PRKN: variants seen among roughly 807,000 people sequenced by gnomAD.
The protein encoded by PRKN is E3 ubiquitin-protein ligase parkin.
Under a neutral mutation model 59.5 loss-of-function variants are expected in PRKN, and 56 were observed. That is an observed-to-expected ratio of 0.94 (90% CI 0.76 to 1.18). The LOEUF (loss-of-function observed/expected upper bound fraction) is 1.18, where lower values mean the gene tolerates loss of function less well. Among genes scored for constraint, PRKN ranks in the 50% most tolerant of loss-of-function variants. PRKN has a pLI of 0.00. For synonymous variants in PRKN, 250 were observed against 222.1 expected (o/e 1.13, Z -1.12); for missense variants, 657 against 596.4 (o/e 1.10, Z -1.06).
At chr6:162,689,205 GTCTT>G (rs1777679260) in intron 1 of PRKN, among the ~76,000 whole-genome samples, 1 of 152,102 alleles carries the variant, frequency 6.6e-6, no homozygotes, top group Non-Finnish European at 1.5e-5. Flanking sequence ...TAATTCATCG[GTCTT>G]TCTTAGTTCA....
At chr6:161,798,473 T>C (rs964119972) in intron 6 of PRKN, among the ~76,000 whole-genome samples, 2 of 152,190 alleles carry the variant, frequency 1.3e-5, no homozygotes, top group Non-Finnish European at 2.9e-5. Flanking sequence ...GATATAGAGG[T>C]ATTGCCATCT....
intron 4 of PRKN, among the ~76,000 whole-genome samples, chr6:162,129,737 A>G (rs1781268664): frequency 6.6e-6 from 1 of 152,184 alleles, no homozygotes; most frequent in Admixed American, 6.6e-5. Flanking sequence ...AGAACTGCAT[A>G]AGGTTATTTA....
chr6:162,190,092 G>C (rs1784208072), intron 4 of PRKN, among the ~76,000 whole-genome samples: 1 of 152,092 alleles, frequency 6.6e-6, no homozygotes, highest in Non-Finnish European at 1.5e-5. Context: ...ACCAACAAAT[G>C]ACTGAAGGGT....
intron 2 of PRKN, among the ~76,000 whole-genome samples, chr6:162,297,825 T>C (rs1314655552): frequency 6.6e-6 from 1 of 152,116 alleles, no homozygotes; most frequent in Non-Finnish European, 1.5e-5. Flanking sequence ...CTTCATTAAT[T>C]ACAGTCCAGT....
intron 7 of PRKN, among the ~76,000 whole-genome samples, chr6:161,621,851 C>T (rs1782913445): frequency 2.6e-5 from 4 of 152,078 alleles, no homozygotes; most frequent in African/African-American, 4.8e-5. Flanking sequence ...CATAGGCCAC[C>T]CACACTCACT....
In PRKN at chr6:162,642,665, A is replaced by T. The variant is rs185950597; in HGVS notation, c.7+84997T>A. On this transcript the variant is annotated intron_variant, in intron 1 of 11. Coordinates refer to ENST00000366898, the MANE Select transcript of PRKN (RefSeq NM_004562.3). ...GTAGTTGCTTCATGAGAAAAATTTA[A>T]ATCTTATGAAGAATATAATATAGTA... 4.3e-4 allele frequency among the ~76,000 whole-genome samples: 65 copies of T among 152,020 alleles called. No homozygotes were observed. In the East Asian group the frequency reaches 0.012, roughly 28 times the overall value.
chr6:162,141,875 G>C (rs1259572062), intron 4 of PRKN, among the ~76,000 whole-genome samples: 3 of 152,156 alleles, frequency 2.0e-5, no homozygotes, highest in African/African-American at 7.2e-5. Flanking sequence ...AGGAGAGTCA[G>C]TCTAACCAGG....
intron 9 of PRKN, among the ~76,000 whole-genome samples, chr6:161,434,758 T>C (rs1050303521): frequency 1.3e-5 from 2 of 152,180 alleles, no homozygotes; most frequent in African/African-American, 2.4e-5. Context: ...TTTAACGCAA[T>C]TTGAAACATG....
chr6:161,528,975 A>C (rs1779106846), intron 9 of PRKN, among the ~76,000 whole-genome samples: 1 of 152,182 alleles, frequency 6.6e-6, no homozygotes, highest in African/African-American at 2.4e-5. Flanking sequence ...TCTAGCTTAG[A>C]AGGCAGGAAT....
At chr6:161,669,913 G>A (rs1784849873) in intron 7 of PRKN, among the ~76,000 whole-genome samples, 1 of 152,240 alleles carries the variant, frequency 6.6e-6, no homozygotes, top group African/African-American at 2.4e-5. Flanking sequence ...CAGCGCACAG[G>A]CTCTCAGCCC....
chr6:161,748,648 C>A (rs1483274513), intron 7 of PRKN, among the ~76,000 whole-genome samples: 1 of 152,056 alleles, frequency 6.6e-6, no homozygotes, highest in African/African-American at 2.4e-5. Flanking sequence ...GGGTCACTGA[C>A]AAAGGCATTC....
chr6:161,429,741 T>C lies in PRKN; in HGVS notation c.1084-42864A>G, dbSNP rs1788556500. Among the ~76,000 whole-genome samples the C allele has an allele frequency of 6.6e-6, 1 of 152,144 alleles. No individual in the cohort carries two copies. The highest frequency in any genetic ancestry group is 2.4e-5 in the African/African-American group (1 of 41,406). On this transcript the variant is annotated intron_variant, in intron 9 of 11. Transcript: ENST00000366898. The surrounding 1 kb of genome is among the most constrained non-coding windows in gnomAD (Gnocchi z 4.2). ...TTCAGAGTCATTAATGGGCCTTTTC[T>C]TCAGTAATTCAGAATACTCCTAAGT...
intron 6 of PRKN, among the ~76,000 whole-genome samples, chr6:161,900,644 A>G (rs1253544741): frequency 2.8e-4 from 37 of 132,340 alleles, no homozygotes; most frequent in East Asian, 2.4e-3. Context: ...TATATATTAT[A>G]TATTATATAT....
Position 161,796,775 on chromosome 6 carries a change from G to A in PRKN, c.735-10867C>T, listed in dbSNP as rs1351349750. On this transcript the variant is annotated intron_variant, in intron 6 of 11. Coordinates refer to ENST00000366898, the MANE Select transcript of PRKN (RefSeq NM_004562.3). Reference sequence around the variant, plus strand: ...CCAGATTTAACATAAAATAGTTTCTGGGTCATATCATTTGCACAGAGCTGT... The same window carrying A: ...CCAGATTTAACATAAAATAGTTTCTAGGTCATATCATTTGCACAGAGCTGT... Among the ~76,000 whole-genome samples, 4 of 152,228 alleles carry A rather than the reference G, an allele frequency of 2.6e-5. No homozygotes were observed. The East Asian group carries it at 7.7e-4, about 29-fold the overall frequency.
rs141001409 is a variant in PRKN, at chr6:162,544,138, G to A, written c.8-100665C>T. 4.7e-3 allele frequency among the ~76,000 whole-genome samples: 719 copies of A among 152,226 alleles called. 4 individuals are homozygous for A. The highest frequency in any genetic ancestry group is 0.014 in the Middle Eastern group (4 of 294). ...AAATGTTGAGAAGAAACTAACCAAG[G>A]AAAACTTTTGTTGCATGGATAAATA... On this transcript the variant is annotated intron_variant, in intron 1 of 11. Transcript: ENST00000366898.
At chr6:162,480,467 T>C (rs1792250504) in intron 1 of PRKN, among the ~76,000 whole-genome samples, 1 of 151,884 alleles carries the variant, frequency 6.6e-6, no homozygotes, top group African/African-American at 2.4e-5. Context: ...TAGAAACTAT[T>C]TCTGAAGGAG....
At chr6:162,476,728 C>T (rs1046437246) in intron 1 of PRKN, among the ~76,000 whole-genome samples, 1 of 152,106 alleles carries the variant, frequency 6.6e-6, no homozygotes, top group East Asian at 1.9e-4. Flanking sequence ...AAGAGTAACA[C>T]TGATAATAAT....
chr6:162,544,546 CATTT>C (rs1273907346), intron 1 of PRKN, among the ~76,000 whole-genome samples: 1 of 151,984 alleles, frequency 6.6e-6, no homozygotes, highest in African/African-American at 2.4e-5. Context: ...ATCTCAGTGT[CATTT>C]ATTTACTTTG....
At chr6:161,972,414 G>A (rs752880412) in intron 6 of PRKN, among the ~76,000 whole-genome samples, 2 of 152,170 alleles carry the variant, frequency 1.3e-5, no homozygotes, top group Non-Finnish European at 2.9e-5. Flanking sequence ...TGTAGAGTAA[G>A]GAATTGTACT....
Sources: gnomAD v4.1 joint callset for allele counts (sites outside exome capture counted in the v4.1 genomes callset) on GRCh38, gnomAD v4.1.1 for gene constraint, Gnocchi (gnomAD v3.1) non-coding constraint, MANE v1.5 for transcripts, NCBI Gene and HGNC (gene_info 2026-07-23, HGNC 2026-07-21) for gene names.